The following SUGCT variants were observed in gnomAD, a reference collection of about 807,000 sequenced individuals.
SUGCT encodes succinyl-CoA:glutarate CoA-transferase.
A neutral mutation model predicts 55.0 loss-of-function variants in SUGCT; 41 were observed. The observed-to-expected ratio is 0.74, with a 90% CI of 0.58 to 0.97. SUGCT has a LOEUF of 0.97. SUGCT is among the 50% of genes least tolerant of loss of function. SUGCT has a pLI of 0.00. For synonymous variants in SUGCT, 187 were observed against 200.4 expected, an observed-to-expected ratio of 0.93 and a Z score of 0.56; for missense variants, 568 against 547.8, an observed-to-expected ratio of 1.04 and a Z score of -0.37.
chr7:40,209,519 G>A (rs756445042), intron 6 of SUGCT, among the ~76,000 whole-genome samples: 6 of 145,320 alleles, frequency 4.1e-5, no homozygotes, highest in Non-Finnish European at 7.5e-5. Context: ...CAAACATGCC[G>A]GGCACGGTGG....
At chr7:40,295,440 G>T (rs1173143425) in intron 8 of SUGCT, among the ~76,000 whole-genome samples, 1 of 152,140 alleles carries the variant, frequency 6.6e-6, no homozygotes, top group Non-Finnish European at 1.5e-5. Flanking sequence ...GCTGGGCATG[G>T]TGGCGCACGC....
chr7:40,363,865 C>T (rs533596439), intron 9 of SUGCT, among the ~76,000 whole-genome samples: 1 of 152,204 alleles, frequency 6.6e-6, no homozygotes, highest in African/African-American at 2.4e-5. Context: ...TCCTGGGTAT[C>T]CTTGTTAACT....
At chr7:40,310,827 A>G (rs150139542) in intron 8 of SUGCT, among the ~76,000 whole-genome samples, 106 of 152,322 alleles carry the variant, frequency 7.0e-4, no homozygotes, top group Non-Finnish European at 1.0e-3. Flanking sequence ...GTTTATACCT[A>G]CATCTTTGAT....
chr7:40,694,466 G>T (rs1784836871), intron 12 of SUGCT, among the ~76,000 whole-genome samples: 1 of 152,176 alleles, frequency 6.6e-6, no homozygotes, highest in Non-Finnish European at 1.5e-5. Context: ...CTTTATTCTT[G>T]ATGTCGAGCC....
the SUGCT span, among the ~76,000 whole-genome samples, chr7:40,950,969 C>T: frequency 7.3e-6 from 1 of 136,910 alleles, no homozygotes; most frequent in African/African-American, 2.5e-5. Context: ...TGATGCTGGC[C>T]TCATAAAATG....
At chr7:40,845,034 G>A (rs1793486237) in intron 13 of SUGCT, among the ~76,000 whole-genome samples, 1 of 150,736 alleles carries the variant, frequency 6.6e-6, no homozygotes, top group South Asian at 2.1e-4. Flanking sequence ...TAGGAATCTA[G>A]TGGGTTTTGG....
chr7:40,646,048 C>G (rs560093658), intron 12 of SUGCT, among the ~76,000 whole-genome samples: 8 of 152,158 alleles, frequency 5.3e-5, no homozygotes, highest in South Asian at 2.1e-4. Flanking sequence ...CCAGATACCC[C>G]CAACAAGATT....
the SUGCT span, among the ~76,000 whole-genome samples, chr7:41,019,157 C>T: frequency 5.3e-5 from 8 of 152,234 alleles, no homozygotes; most frequent in Non-Finnish European, 7.4e-5. Flanking sequence ...CCACCTGCCT[C>T]GGCCTCCCAA....
chr7:40,227,047 T>TTC (rs1456950454), intron 6 of SUGCT, among the ~76,000 whole-genome samples: 1 of 137,264 alleles, frequency 7.3e-6, no homozygotes, highest in East Asian at 2.1e-4. Context: ...ATAGATCTTT[T>TTC]TTTTTTTTTT....
chr7:40,364,325 A>C (rs1384273678), intron 9 of SUGCT, among the ~76,000 whole-genome samples: 1 of 151,636 alleles, frequency 6.6e-6, no homozygotes, highest in African/African-American at 2.4e-5. Context: ...TTTAAAGTTA[A>C]TATTGTTATG....
intron 9 of SUGCT, among the ~76,000 whole-genome samples, chr7:40,350,281 T>C (rs1797548149): frequency 1.3e-4 from 1 of 7,658 alleles, no homozygotes; most frequent in Non-Finnish European, 4.7e-4. Context: ...CTATATCTTA[T>C]TTATTTATTT....
chr7:40,878,413 G>A, the SUGCT span, among the ~76,000 whole-genome samples: 1 of 152,084 alleles, frequency 6.6e-6, no homozygotes, highest in Non-Finnish European at 1.5e-5. Context: ...GGCCTGTTTG[G>A]CATTCCTCTT....
chr7:40,433,315 T>C (rs1304697545), intron 9 of SUGCT, among the ~76,000 whole-genome samples: 1 of 151,652 alleles, frequency 6.6e-6, no homozygotes, highest in Admixed American at 6.6e-5. Context: ...GGTCCTTTGA[T>C]TGGGTCATGT....
chr7:40,986,588 C>T, the SUGCT span, among the ~76,000 whole-genome samples: 1 of 152,152 alleles, frequency 6.6e-6, no homozygotes, highest in African/African-American at 2.4e-5. Context: ...TGGGTCATTA[C>T]TCTCTTCTGA....
intron 9 of SUGCT, among the ~76,000 whole-genome samples, chr7:40,387,363 T>G (rs1376979790): frequency 1.3e-5 from 2 of 152,118 alleles, no homozygotes; most frequent in South Asian, 2.1e-4. Flanking sequence ...ATGGCCCACA[T>G]GTAAGACTGA....
chr7:41,028,837 C>T, the SUGCT span, among the ~76,000 whole-genome samples: 1 of 152,126 alleles, frequency 6.6e-6, no homozygotes, highest in Non-Finnish European at 1.5e-5. Context: ...TGCTATTTCA[C>T]CTCTGTAAGC....
chr7:40,920,910 G>A, the SUGCT span, among the ~76,000 whole-genome samples: 5 of 152,340 alleles, frequency 3.3e-5, no homozygotes, highest in Admixed American at 6.5e-5. Context: ...AATGCCAAGC[G>A]TGTTCATTTG....
At chr7:40,551,821 T>C (rs1275446407) in intron 12 of SUGCT, among the ~76,000 whole-genome samples, 1 of 152,230 alleles carries the variant, frequency 6.6e-6, no homozygotes, top group Non-Finnish European at 1.5e-5. Context: ...GAAGCTGGTC[T>C]GAGGCAAGGG....
chr7:40,504,205 A>G (rs1352627205), intron 12 of SUGCT, among the ~76,000 whole-genome samples: 2 of 152,214 alleles, frequency 1.3e-5, no homozygotes, highest in Non-Finnish European at 2.9e-5. Context: ...TGTATTTTCT[A>G]CTTCAAATTT....
Sources: allele counts gnomAD v4.1 joint callset (sites outside exome capture counted in the v4.1 genomes callset), GRCh38; gene constraint gnomAD v4.1.1; transcripts MANE v1.5; gene names NCBI Gene and HGNC (gene_info 2026-07-23, HGNC 2026-07-21).